FNTB: variants seen among roughly 807,000 people sequenced by gnomAD.
FNTB encodes the protein farnesyltransferase, CAAX box, subunit beta.
Under a neutral mutation model 59.4 loss-of-function variants are expected in FNTB, and 27 were observed. That is an observed-to-expected ratio of 0.45 (90% CI 0.34 to 0.63). The LOEUF (loss-of-function observed/expected upper bound fraction) is 0.63, where lower values mean the gene tolerates loss of function less well. Among genes scored for constraint, FNTB ranks in the 20% least tolerant of loss-of-function variants. The pLI is 0.02. For synonymous variants in FNTB, 230 were observed against 220.7 expected (o/e 1.04, Z -0.37); for missense variants, 449 against 559.6 (o/e 0.80, Z 1.99).
At chr14:65,005,476 T>TC (rs903863571) in intron 2 of FNTB, among the ~76,000 whole-genome samples, 3 of 134,478 alleles carry the variant, frequency 2.2e-5, no homozygotes, top group African/African-American at 9.5e-5. Flanking sequence ...TTTCTTTCTT[T>TC]CTTTCTTTCT....
rs2062882643 is a variant in FNTB, at chr14:65,062,438, G to C, written c.*1126G>C. The C allele has an allele frequency of 6.6e-6, 1 of 152,660 alleles. No homozygotes were observed. The highest frequency in any genetic ancestry group is 1.5e-5 in the Non-Finnish European group (1 of 68,068). The allele number at this position is 152,660 out of a possible 1,614,324, so 9.5% of individuals were successfully genotyped here. A position where few individuals can be genotyped will look rare whatever the true frequency, so the allele number is the denominator to read the frequency against. On this transcript the variant is annotated 3_prime_UTR_variant, in exon 12 of 12. Transcript: ENST00000246166. The surrounding 1 kb of genome is among the most constrained non-coding windows in gnomAD (Gnocchi z 4.3). Reference sequence around the variant, plus strand: ...GTGCCTCTGCTGTGCTGCACATTGAGCCCTTTCTCAGTCAGTGGAGTATCA... The same window carrying C: ...GTGCCTCTGCTGTGCTGCACATTGACCCCTTTCTCAGTCAGTGGAGTATCA...
At position 65,012,446 on chromosome 14, in the gene FNTB, T is replaced by C; in HGVS notation, c.282+57T>C. The C allele has an allele frequency of 6.2e-7, 1 of 1,607,750 alleles. No individual in the cohort carries two copies. The highest frequency in any genetic ancestry group is 8.5e-7 in the Non-Finnish European group (1 of 1,175,206). On this transcript the variant is annotated intron_variant, in intron 3 of 11. Coordinates refer to ENST00000246166, the MANE Select transcript of FNTB (RefSeq NM_002028.4). The surrounding 1 kb of genome is among the most constrained non-coding windows in gnomAD (Gnocchi z 5.0). ...AAATTATCCACCAAATCCTCCTCCTTTTTCTATTTAAACGTAAAAGACTGT... is the reference window on the plus strand; with the variant it reads ...AAATTATCCACCAAATCCTCCTCCTCTTTCTATTTAAACGTAAAAGACTGT...
chr14:65,055,650 G>C (rs2062719031), intron 11 of FNTB, among the ~76,000 whole-genome samples: 1 of 151,912 alleles, frequency 6.6e-6, no homozygotes, highest in Admixed American at 6.6e-5. Context: ...CTGAGTAGCT[G>C]GGATTACAGG....
At chr14:65,052,030 C>T (rs1269378793) in intron 9 of FNTB, among the ~76,000 whole-genome samples, 1 of 151,994 alleles carries the variant, frequency 6.6e-6, no homozygotes, top group Admixed American at 6.6e-5. Context: ...CTCCTGACCT[C>T]GTGATCAACC....
rs1474187031 is a variant in FNTB at position 65,032,231 on chromosome 14, A to G, written c.606-379A>G. The G allele has an allele frequency of 6.1e-6, 1 of 162,844 alleles. No homozygotes were observed. Among genetic ancestry groups the G allele is most frequent in the Admixed American group, 6.4e-5 (1 of 15,622 alleles). 10.1% of individuals were successfully genotyped at this position (162,844 alleles called of 1,614,324 possible). ...GGCTCTGAAACAGTACTAACATCCA[A>G]ATGAATGAGCATATCAGAAGTACCT... On this transcript the variant is annotated intron_variant, in intron 6 of 11. Transcript: ENST00000246166. The surrounding 1 kb of genome is among the most constrained non-coding windows in gnomAD (Gnocchi z 5.0).
At chr14:65,005,659 T>C (rs2061576738) in intron 2 of FNTB, among the ~76,000 whole-genome samples, 1 of 151,744 alleles carries the variant, frequency 6.6e-6, no homozygotes, top group African/African-American at 2.4e-5. Flanking sequence ...CTGCCCTGTC[T>C]TGCCCTGTCT....
chr14:65,041,573 A>G (rs1238575002), intron 8 of FNTB, among the ~76,000 whole-genome samples: 1 of 152,144 alleles, frequency 6.6e-6, no homozygotes, highest in Admixed American at 6.5e-5. Context: ...CATGACGTCA[A>G]AGCAAACCAG....
rs56118026 is a variant in FNTB, at chr14:65,012,397, C to A, written c.282+8C>A. Reference sequence around the variant, plus strand: ...CTGACAGATGCCTATGAGGTAAACACATTACCCAGGAACTCTTGCTGTCAA... The same window carrying A: ...CTGACAGATGCCTATGAGGTAAACAAATTACCCAGGAACTCTTGCTGTCAA... On this transcript the variant is annotated splice_region_variant and intron_variant, in intron 3 of 11. Coordinates refer to ENST00000246166, the MANE Select transcript of FNTB (RefSeq NM_002028.4). The surrounding 1 kb of genome is among the most constrained non-coding windows in gnomAD (Gnocchi z 5.0). The A allele has an allele frequency of 0.013, 21,412 of 1,613,984 alleles. 211 individuals are homozygous for A. The highest frequency in any genetic ancestry group is 0.027 in the South Asian group (2,487 of 91,084).
chr14:65,018,008 T>C (rs1210018195), intron 4 of FNTB, among the ~76,000 whole-genome samples: 1 of 152,136 alleles, frequency 6.6e-6, no homozygotes, highest in Non-Finnish European at 1.5e-5. Flanking sequence ...ATAAGTCATT[T>C]ATGGTGCAGT....
chr14:65,015,194 C>A (rs1245880097), intron 3 of FNTB, among the ~76,000 whole-genome samples: 1 of 151,788 alleles, frequency 6.6e-6, no homozygotes, highest in Non-Finnish European at 1.5e-5. Flanking sequence ...CCTCTGCCTC[C>A]CGGGTTCAAG....
chr14:65,040,258 T>C (rs1490304981), intron 7 of FNTB, among the ~76,000 whole-genome samples: 5 of 148,208 alleles, frequency 3.4e-5, no homozygotes, highest in African/African-American at 1.2e-4. Context: ...TATATATATA[T>C]GTATATATAT....
chr14:65,006,099 T>A (rs2139485473), intron 2 of FNTB: 1 of 1,573,090 alleles, frequency 6.4e-7, no homozygotes, highest in South Asian at 1.2e-5. Flanking sequence ...AGTCTCTAGG[T>A]ACTTCTGCTT....
chr14:64,991,344 G>A lies in FNTB; in HGVS notation c.144+4247G>A, dbSNP rs1594980211. Reference sequence around the variant, plus strand: ...AGGCCGAGTGCGGTGGCTCACTCCTGTAATCCCAGCACTTTGGGAGGCTGA... The same window carrying A: ...AGGCCGAGTGCGGTGGCTCACTCCTATAATCCCAGCACTTTGGGAGGCTGA... On this transcript the variant is annotated intron_variant, in intron 1 of 11. Coordinates refer to ENST00000246166, the MANE Select transcript of FNTB (RefSeq NM_002028.4). This position sits in a 1 kb window ranked among gnomAD's most constrained non-coding sequence, Gnocchi z 4.4. Among the ~76,000 whole-genome samples the A allele has an allele frequency of 2.6e-5, 4 of 152,298 alleles. No homozygotes were observed. The highest frequency in any genetic ancestry group is 2.6e-4 in the Admixed American group (4 of 15,294).
chr14:65,033,373 T>G (rs1195398333), intron 7 of FNTB, among the ~76,000 whole-genome samples: 1 of 152,202 alleles, frequency 6.6e-6, no homozygotes, highest in East Asian at 1.9e-4. Context: ...ACACCAAATT[T>G]AGCATAGTGA....
intron 9 of FNTB, among the ~76,000 whole-genome samples, chr14:65,046,349 T>C (rs535240896): frequency 6.6e-6 from 1 of 152,332 alleles, no homozygotes; most frequent in African/African-American, 2.4e-5. Context: ...GTCAAGCCCC[T>C]GGTAAAATGG....
intron 1 of FNTB, among the ~76,000 whole-genome samples, chr14:65,002,224 C>T (rs1467659914): frequency 6.6e-6 from 1 of 152,242 alleles, no homozygotes; most frequent in Non-Finnish European, 1.5e-5. Context: ...TAACCAGACG[C>T]TCCCTCATTA....
chr14:65,013,259 C>T, intron 3 of FNTB, among the ~76,000 whole-genome samples: 1 of 152,052 alleles, frequency 6.6e-6, no homozygotes, highest in Non-Finnish European at 1.5e-5. Flanking sequence ...GTGCCCTTAA[C>T]TTCTTTCCTG....
chr14:64,987,062 G>A lies in FNTB; in HGVS notation c.109G>A (p.Asp37Asn), dbSNP rs1406906645. The part of the protein sequence containing the change: ...RPEHARERLQ[D>N]DSVETVTSIE... ...CGAGCACGCGCGAGAGCGGTTGCAGGACGACTCGGTGGAAACAGTCACGTC... is the reference window on the plus strand; with the variant it reads ...CGAGCACGCGCGAGAGCGGTTGCAGAACGACTCGGTGGAAACAGTCACGTC... Residue 37 changes from aspartate (D) to asparagine (N), a missense_variant, in exon 1 of 12, where the codon GAC becomes AAC. Around this residue, in one of 2 missense-constraint regions of FNTB, gnomAD observed 112 missense variants for 80.5 expected, o/e 1.39. Transcript: ENST00000246166. 5 of 1,614,144 alleles carry A rather than the reference G, an allele frequency of 3.1e-6. No homozygotes were observed. Among genetic ancestry groups the A allele is most frequent in the Non-Finnish European group, 4.2e-6 (5 of 1,180,056 alleles).
chr14:65,054,930 C>G lies in FNTB; in HGVS notation c.1182+241C>G, dbSNP rs1273328799. On this transcript the variant is annotated intron_variant, in intron 11 of 11. Coordinates refer to ENST00000246166, the MANE Select transcript of FNTB (RefSeq NM_002028.4). This position sits in a 1 kb window ranked among gnomAD's most constrained non-coding sequence, Gnocchi z 4.4. ...TGTCAAAGAGCTGTTGTGCCTTTATCCCAGGGCTGAGGACCTAGCCCACTG... is the reference window on the plus strand; with the variant it reads ...TGTCAAAGAGCTGTTGTGCCTTTATGCCAGGGCTGAGGACCTAGCCCACTG... 6.6e-6 allele frequency among the ~76,000 whole-genome samples: 1 copy of G among 152,204 alleles called. No homozygotes were observed. The highest frequency in any genetic ancestry group is 1.5e-5 in the Non-Finnish European group (1 of 68,028).
Sources: gnomAD v4.1 joint callset for allele counts (sites outside exome capture counted in the v4.1 genomes callset) on GRCh38, gnomAD v4.1.1 for gene constraint, gnomAD v4.1.1 regional missense constraint, Gnocchi (gnomAD v3.1) non-coding constraint, MANE v1.5 for transcripts, NCBI Gene and HGNC (gene_info 2026-07-23, HGNC 2026-07-21) for gene names.